Variants in ATG7 observed in about 807,000 individuals in gnomAD.
ATG7 encodes autophagy related 7, also known as ubiquitin-like modifier-activating enzyme ATG7.
In ATG7, 70 loss-of-function variants were observed where a neutral mutation model predicts 82.4. The observed-to-expected ratio is 0.85, with a 90% CI of 0.70 to 1.04. ATG7 has a LOEUF of 1.04. ATG7 is among the 50% of genes least tolerant of loss of function. ATG7 has a pLI of 0.00. For missense variants in ATG7, 792 were observed against 864.3 expected, an observed-to-expected ratio of 0.92 and a Z score of 1.05; for synonymous variants, 287 against 313.0, an observed-to-expected ratio of 0.92 and a Z score of 0.88.
intron 3 of ATG7, among the ~76,000 whole-genome samples, chr3:11,290,866 G>T (rs1193833414): frequency 2.0e-5 from 3 of 152,020 alleles, no homozygotes; most frequent in Non-Finnish European, 4.4e-5. Context: ...TGTATTTTTA[G>T]TGGAGACGGG....
chr3:11,570,869 G>A, the ATG7 span, among the ~76,000 whole-genome samples: 11 of 152,142 alleles, frequency 7.2e-5, no homozygotes, highest in Non-Finnish European at 1.5e-4. Context: ...ACTCATCACC[G>A]TGGCTTCTCT....
At chr3:11,425,904 G>A (rs1054851123) in intron 19 of ATG7, among the ~76,000 whole-genome samples, 3 of 152,134 alleles carry the variant, frequency 2.0e-5, no homozygotes, top group African/African-American at 7.2e-5. Flanking sequence ...TAATTGTACA[G>A]TACATACTGC....
chr3:11,298,108 G>A (rs1946232993), intron 3 of ATG7, among the ~76,000 whole-genome samples: 1 of 152,036 alleles, frequency 6.6e-6, no homozygotes. Context: ...GAACCCGGGA[G>A]GCGGAGGTTG....
chr3:11,479,491 A>T (rs532807747), intron 20 of ATG7, among the ~76,000 whole-genome samples: 1 of 152,256 alleles, frequency 6.6e-6, no homozygotes, highest in African/African-American at 2.4e-5. Context: ...AAGCCCAGAT[A>T]TTGACCGATC....
chr3:11,555,754 A>G lies in ATG7; in HGVS notation c.*911A>G, dbSNP rs184063041. The G allele has an allele frequency of 1.8e-4, 28 of 152,346 alleles. No homozygotes were observed. Among genetic ancestry groups the G allele is most frequent in the African/African-American group, 5.8e-4 (24 of 41,522 alleles). The allele number at this position is 152,346 out of a possible 1,614,324, so 9.4% of individuals were successfully genotyped here. On this transcript the variant is annotated 3_prime_UTR_variant, in exon 21 of 21. Transcript: ENST00000693202. ...GTGTGCAGCTGTGAGGCCCCAACCC[A>G]GGAGAGGCCATGGCCTAGGTACCTG...
chr3:11,476,097 C>T (rs1169422538), intron 20 of ATG7, among the ~76,000 whole-genome samples: 1 of 152,148 alleles, frequency 6.6e-6, no homozygotes, highest in Non-Finnish European at 1.5e-5. Context: ...TGCACAGAAA[C>T]CACACTGCAA....
At chr3:11,440,221 G>T (rs1229831060) in intron 20 of ATG7, among the ~76,000 whole-genome samples, 2 of 151,960 alleles carry the variant, frequency 1.3e-5, no homozygotes, top group African/African-American at 4.8e-5. Context: ...TAAAATCCGT[G>T]GGAATGAGAT....
the ATG7 span, chr3:11,568,859 A>G: frequency 2.2e-6 from 3 of 1,378,272 alleles, no homozygotes; most frequent in Non-Finnish European, 2.8e-6. The surrounding 1 kb of genome is among the most constrained non-coding windows in gnomAD (Gnocchi z 5.9). Flanking sequence ...CAGGCCTATC[A>G]GAGCCGCTGA....
In ATG7 at chr3:11,420,480, C is replaced by T. The variant is rs75500213; in HGVS notation, c.1957-6324C>T. ...CTAACAAAGTATCATGTCTGGGGCT[C>T]TTCCAATTTTTATTCAAAGATGTTG... On this transcript the variant is annotated intron_variant, in intron 19 of 20. Transcript: ENST00000693202. 6.8e-4 allele frequency among the ~76,000 whole-genome samples: 103 copies of T among 152,258 alleles called. 1 individual carries two copies. Among genetic ancestry groups the T allele is most frequent in the African/African-American group, 2.4e-3 (100 of 41,548 alleles).
chr3:11,303,735 C>T lies in ATG7; in HGVS notation c.216-3208C>T, dbSNP rs527741985. On this transcript the variant is annotated intron_variant, in intron 5 of 20. Transcript: ENST00000693202. ...ATCAACATTTGAATGAAGAACATTT[C>T]TGTGGGTTTCTTTCCCTTGAGGAAT... 1.1e-4 allele frequency among the ~76,000 whole-genome samples: 17 copies of T among 151,110 alleles called. 1 individual carries two copies. Among genetic ancestry groups the T allele is most frequent in the South Asian group, 4.2e-4 (2 of 4,788 alleles).
intron 3 of ATG7, 114 bp from the exon 4 acceptor site, chr3:11,298,572 T>C (rs1380608744): frequency 2.3e-5 from 24 of 1,024,024 alleles, no homozygotes; most frequent in Non-Finnish European, 3.3e-5. Context: ...AGGTAGCCTG[T>C]AAACATCTCA....
intron 20 of ATG7, among the ~76,000 whole-genome samples, chr3:11,505,086 G>A (rs878883703): frequency 1.3e-5 from 2 of 152,154 alleles, no homozygotes; most frequent in African/African-American, 2.4e-5. Flanking sequence ...AAGTCTCTAC[G>A]GAGTATAGTA....
the ATG7 span, among the ~76,000 whole-genome samples, chr3:11,573,304 AAAGGAAGG>A: frequency 8.3e-5 from 1 of 12,072 alleles, no homozygotes; most frequent in Admixed American, 8.9e-4. Flanking sequence ...AGAAAGAAAG[AAAGGAAGG>A]AAGGAAGAAA....
intron 3 of ATG7, among the ~76,000 whole-genome samples, chr3:11,284,196 T>G (rs1446520405): frequency 6.6e-6 from 1 of 152,228 alleles, no homozygotes; most frequent in African/African-American, 2.4e-5. Context: ...TATTTCTTCA[T>G]TAAAAAATAT....
intron 19 of ATG7, among the ~76,000 whole-genome samples, chr3:11,411,129 T>C (rs866084953): frequency 1.3e-5 from 2 of 152,290 alleles, no homozygotes; most frequent in Middle Eastern, 6.8e-3. Context: ...CGTTGTAAAA[T>C]AGTAGCCATT....
intron 19 of ATG7, among the ~76,000 whole-genome samples, chr3:11,380,763 A>G (rs2077833719): frequency 6.6e-6 from 1 of 152,210 alleles, no homozygotes; most frequent in South Asian, 2.1e-4. Flanking sequence ...GCTGATAAGT[A>G]AAGATTTTCA....
chr3:11,324,029 C>T (rs1356204511), intron 9 of ATG7, among the ~76,000 whole-genome samples: 1 of 152,200 alleles, frequency 6.6e-6, no homozygotes, highest in Admixed American at 6.5e-5. Flanking sequence ...AATTGCTTGG[C>T]AGACTGATCA....
At chr3:11,335,251 A>G (rs1278585558) in intron 11 of ATG7, among the ~76,000 whole-genome samples, 1 of 151,826 alleles carries the variant, frequency 6.6e-6, no homozygotes, top group Non-Finnish European at 1.5e-5. Context: ...TACATGCTAT[A>G]CCTTTGTTTT....
intron 19 of ATG7, among the ~76,000 whole-genome samples, chr3:11,410,570 A>G (rs1289663614): frequency 6.6e-6 from 1 of 152,186 alleles, no homozygotes; most frequent in Admixed American, 6.5e-5. Flanking sequence ...GAAACTCTAT[A>G]ACCATCAAAC....
Sources: allele counts gnomAD v4.1 joint callset (sites outside exome capture counted in the v4.1 genomes callset), GRCh38; gene constraint gnomAD v4.1.1; non-coding constraint Gnocchi (gnomAD v3.1); transcripts MANE v1.5; gene names NCBI Gene and HGNC (gene_info 2026-07-23, HGNC 2026-07-21).